VPS50: variants seen among roughly 807,000 people sequenced by gnomAD.
The protein encoded by VPS50 is VPS50 subunit of EARP/GARPII complex, also known as syndetin.
A neutral mutation model predicts 139.7 loss-of-function variants in VPS50; 70 were observed. The ratio of observed to expected loss-of-function variants is 0.50; its 90% CI spans 0.41 to 0.61. The LOEUF (loss-of-function observed/expected upper bound fraction) is 0.61, where lower values mean the gene tolerates loss of function less well. Ranked by LOEUF, VPS50 falls within the 20% of genes least tolerant of loss-of-function variation. The pLI is 0.00. For synonymous variants in VPS50, 365 were observed against 376.7 expected, an observed-to-expected ratio of 0.97 and a Z score of 0.36; for missense variants, 921 against 1,133.7, an observed-to-expected ratio of 0.81 and a Z score of 2.69.
chr7:93,336,008 AT>A (rs1321167009), intron 22 of VPS50, among the ~76,000 whole-genome samples: 1 of 152,146 alleles, frequency 6.6e-6, no homozygotes, highest in Non-Finnish European at 1.5e-5. Flanking sequence ...TGATCTCAGG[AT>A]TTTTTAAGCT....
Position 93,259,557 on chromosome 7 carries a change from A to G in VPS50, c.584A>G (p.Asp195Gly), listed in dbSNP as rs1285062805. ...VRLSEMLEEE[D>G]YPGAIQLCLE... Reference sequence around the variant, plus strand: ...TGTTGTTGTTACCTTAAGGAGGAAGATTATCCAGGAGCTATTCAGTTGTGC... The same window carrying G: ...TGTTGTTGTTACCTTAAGGAGGAAGGTTATCCAGGAGCTATTCAGTTGTGC... The change falls in exon 9 of 28, where the codon GAT (aspartate) becomes GGT (glycine). Residue 195 changes from aspartate (D) to glycine (G), a missense_variant. Physicochemically the swap from Asp to Gly is moderately conservative, Grantham distance 94. Around this residue, in one of 3 missense-constraint regions of VPS50, gnomAD observed 744 missense variants for 930.6 expected, o/e 0.80. Coordinates refer to ENST00000305866, the MANE Select transcript of VPS50 (RefSeq NM_017667.4). The G allele has an allele frequency of 6.4e-6, 10 of 1,568,234 alleles. No homozygotes were observed. Among genetic ancestry groups the G allele is most frequent in the Non-Finnish European group, 7.9e-6 (9 of 1,139,414 alleles).
At chr7:93,314,627 G>A (rs1797370419) in intron 20 of VPS50, among the ~76,000 whole-genome samples, 1 of 152,142 alleles carries the variant, frequency 6.6e-6, no homozygotes, top group South Asian at 2.1e-4. Flanking sequence ...GTCCATGCTT[G>A]TAAGAACTGC....
Position 93,296,855 on chromosome 7 carries a change from T to C in VPS50, c.1262+19T>C. 1 of 1,575,838 alleles carries C rather than the reference T, an allele frequency of 6.3e-7. No individual in the cohort carries two copies. Among genetic ancestry groups the C allele is most frequent in the Non-Finnish European group, 8.6e-7 (1 of 1,167,856 alleles). On this transcript the variant is annotated intron_variant, in intron 15 of 27. Coordinates refer to ENST00000305866, the MANE Select transcript of VPS50 (RefSeq NM_017667.4). ...TCAGCAGGTAGTATTTAAGATCTTG[T>C]CTTATTCTTTAGTTTGAGTCATTCA...
chr7:93,278,361 T>C (rs1214999988), intron 12 of VPS50, among the ~76,000 whole-genome samples: 1 of 151,738 alleles, frequency 6.6e-6, no homozygotes, highest in Non-Finnish European at 1.5e-5. Context: ...CCCAGCACTT[T>C]GGGAGGCCAA....
intron 1 of VPS50, among the ~76,000 whole-genome samples, chr7:93,237,646 G>T (rs916853734): frequency 6.6e-6 from 1 of 152,210 alleles, no homozygotes; most frequent in Non-Finnish European, 1.5e-5. Context: ...AATCTATACA[G>T]ATGGTCCCCG....
chr7:93,349,411 G>C (rs1055500114), intron 24 of VPS50, among the ~76,000 whole-genome samples: 1 of 152,152 alleles, frequency 6.6e-6, no homozygotes, highest in Non-Finnish European at 1.5e-5. Context: ...GCTCCTGGAG[G>C]GTTTGAAACA....
At chr7:93,233,127 T>C (rs888414763) in intron 1 of VPS50, among the ~76,000 whole-genome samples, 4 of 152,238 alleles carry the variant, frequency 2.6e-5, no homozygotes, top group Non-Finnish European at 5.9e-5. Flanking sequence ...TTCTTTTTTT[T>C]CCCCAGAATG....
Position 93,348,802 on chromosome 7 carries a change from T to C in VPS50, c.2299T>C (p.Ser767Pro), listed in dbSNP as rs1798475599. The change falls in exon 24 of 28, where the codon TCT becomes CCT. Residue 767 changes from serine (S) to proline (P), a missense_variant. By Grantham distance (74) the Ser-to-Pro change is moderately conservative (BLOSUM62 -1). Around this residue, in one of 3 missense-constraint regions of VPS50, gnomAD observed 744 missense variants for 930.6 expected, o/e 0.80. Coordinates refer to ENST00000305866, the MANE Select transcript of VPS50 (RefSeq NM_017667.4). ...AAAGCCCTTTCTTCAGCAGTTCTAT[T>C]CTCAGGTCAGACATGGTCTTGTATG... is the stretch of plus-strand genomic sequence containing the variant. ...VKKPFLQQFY[S>P]QTVSTASELR... 6.3e-7 allele frequency: 1 copy of C among 1,599,548 alleles called. No individual in the cohort carries two copies.
At position 93,341,587 on chromosome 7, in the gene VPS50, A is replaced by C. The variant is rs1302811911; in HGVS notation, c.2207+12A>C. ...GCCACGGAATCCTTGTAAGTTGTTC[A>C]AAACAGTTGCGTTGCCATTAAATAT... is the stretch of plus-strand genomic sequence containing the variant. On this transcript the variant is annotated intron_variant, in intron 23 of 27. Coordinates refer to ENST00000305866, the MANE Select transcript of VPS50 (RefSeq NM_017667.4). The C allele has an allele frequency of 6.4e-7, 1 of 1,573,528 alleles. No homozygotes were observed. Among genetic ancestry groups the C allele is most frequent in the Admixed American group, 2.0e-5 (1 of 50,384 alleles).
intron 22 of VPS50, among the ~76,000 whole-genome samples, chr7:93,338,978 G>A (rs1217697669): frequency 1.3e-5 from 2 of 152,162 alleles, no homozygotes; most frequent in Non-Finnish European, 2.9e-5. Flanking sequence ...GCATGTTTTA[G>A]TGATTGATTG....
intron 9 of VPS50, among the ~76,000 whole-genome samples, chr7:93,270,674 C>T (rs547746224): frequency 1.6e-4 from 24 of 152,020 alleles, no homozygotes; most frequent in Non-Finnish European, 2.8e-4. Flanking sequence ...ATCAGTTTCC[C>T]CTTCCTCTAG....
Position 93,326,466 on chromosome 7 carries a change from A to T in VPS50, c.1977+2734A>T, listed in dbSNP as rs867686183. ...GTATAATAATAATAAAAAAAAAATA[A>T]AATAAAATAAAATAATACAGTATTG... is the stretch of plus-strand genomic sequence containing the variant. On this transcript the variant is annotated intron_variant, in intron 21 of 27. Coordinates refer to ENST00000305866, the MANE Select transcript of VPS50 (RefSeq NM_017667.4). Among the ~76,000 whole-genome samples the T allele has an allele frequency of 1.4e-4, 21 of 151,182 alleles. No individual in the cohort carries two copies. The Middle Eastern group carries it at 0.01, about 74-fold the overall frequency.
intron 9 of VPS50, among the ~76,000 whole-genome samples, chr7:93,263,029 CT>C (rs899730316): frequency 1.1e-4 from 16 of 151,218 alleles, no homozygotes; most frequent in African/African-American, 3.4e-4. Flanking sequence ...AGATACACCT[CT>C]TTTTTTTTGT....
intron 1 of VPS50, among the ~76,000 whole-genome samples, chr7:93,234,143 G>A (rs1794727224): frequency 6.6e-6 from 1 of 152,214 alleles, no homozygotes; most frequent in South Asian, 2.1e-4. Flanking sequence ...TGCATCAGCT[G>A]TTTGATGCTG....
intron 2 of VPS50, among the ~76,000 whole-genome samples, chr7:93,248,230 G>T (rs890675774): frequency 6.6e-6 from 1 of 151,754 alleles, no homozygotes; most frequent in Non-Finnish European, 1.5e-5. Context: ...TTTAAGTATG[G>T]TGTAAGAAGT....
intron 9 of VPS50, among the ~76,000 whole-genome samples, chr7:93,268,164 T>C (rs149926273): frequency 6.6e-6 from 1 of 152,294 alleles, no homozygotes; most frequent in African/African-American, 2.4e-5. Context: ...TCATATAGAA[T>C]ATTGACCAAA....
At chr7:93,346,334 C>T (rs1416934276) in intron 23 of VPS50, among the ~76,000 whole-genome samples, 1 of 152,024 alleles carries the variant, frequency 6.6e-6, no homozygotes. Context: ...AGGATACAAA[C>T]AAATGGAAGA....
chr7:93,269,426 C>G (rs986923462), intron 9 of VPS50, among the ~76,000 whole-genome samples: 1 of 152,042 alleles, frequency 6.6e-6, no homozygotes, highest in Non-Finnish European at 1.5e-5. Flanking sequence ...TATAGTTTTG[C>G]TCACTTCCAG....
At position 93,276,284 on chromosome 7, in the gene VPS50, G is replaced by T. The variant is rs771287583; in HGVS notation, c.921G>T (p.Leu307=). ...AGNTDTKFQK[L]QYKDLCTHVT... ...ACACAGACACAAAATTCCAAAAGCT[G>T]CAATATAAGGATCTCTGTACAGTAT... The change falls in exon 12 of 28, where the codon CTG becomes CTT. Residue 307 remains leucine, a synonymous_variant. Transcript: ENST00000305866. 6.2e-7 allele frequency: 1 copy of T among 1,613,120 alleles called. No individual in the cohort carries two copies. Among genetic ancestry groups the T allele is most frequent in the East Asian group, 2.2e-5 (1 of 44,820 alleles).
Sources: allele counts gnomAD v4.1 joint callset (sites outside exome capture counted in the v4.1 genomes callset), GRCh38; gene constraint gnomAD v4.1.1; regional missense constraint gnomAD v4.1.1; transcripts MANE v1.5; gene names NCBI Gene and HGNC (gene_info 2026-07-23, HGNC 2026-07-21).